SULT2B1: variants seen among roughly 807,000 people sequenced by gnomAD.
SULT2B1 encodes the protein sulfotransferase family 2B member 1.
A neutral mutation model predicts 33.2 loss-of-function variants in SULT2B1; 16 were observed. The observed-to-expected ratio is 0.48, with a 90% CI of 0.33 to 0.73. The LOEUF is 0.73. Among genes scored for constraint, SULT2B1 ranks in the 30% least tolerant of loss-of-function variants. SULT2B1 has a pLI of 0.02. For missense variants in SULT2B1, 500 were observed against 506.0 expected, an observed-to-expected ratio of 0.99 and a Z score of 0.11; for synonymous variants, 186 against 200.5, an observed-to-expected ratio of 0.93 and a Z score of 0.61.
intron 4 of SULT2B1, among the ~76,000 whole-genome samples, 197 bp downstream of exon 4, chr19:48,591,932 A>G (rs1020439724): frequency 7.9e-5 from 12 of 152,112 alleles, no homozygotes; most frequent in African/African-American, 2.9e-4. Flanking sequence ...GACACAGGAC[A>G]GGCAAAGGAC....
chr19:48,587,466 GA>G, intron 3 of SULT2B1, 29 bp downstream of exon 3: 1 of 1,612,670 alleles, frequency 6.2e-7, no homozygotes, highest in Admixed American at 1.7e-5. Context: ...TGTCAGTTGG[GA>G]GGGGCTGCAT....
chr19:48,564,493 A>G, intron 1 of SULT2B1, among the ~76,000 whole-genome samples: 1 of 138,576 alleles, frequency 7.2e-6, no homozygotes, highest in East Asian at 2.4e-4. Context: ...GCAAGGTTGC[A>G]GTGAGCCGAG....
rs575546000 is a variant in SULT2B1, at chr19:48,567,163, T to C, written c.72-8778T>C. Among the ~76,000 whole-genome samples the C allele has an allele frequency of 1.4e-4, 21 of 152,254 alleles. No homozygotes were observed. The South Asian group carries it at 1.7e-3, about 12-fold the overall frequency. On this transcript the variant is annotated intron_variant, in intron 1 of 6. Transcript: ENST00000201586. ...GTTTCTGGCCTCTCTTGGAACATCA[T>C]TGCCATGATCGCCCTGGGATATATT...
chr19:48,571,700 A>T (rs1471271726), intron 1 of SULT2B1, among the ~76,000 whole-genome samples: 1 of 20,964 alleles, frequency 4.8e-5, no homozygotes, highest in Admixed American at 2.8e-4. Flanking sequence ...GCAAGCGGAG[A>T]AGATGGTCAA....
At chr19:48,578,412 T>C (rs1006323254) in intron 2 of SULT2B1, among the ~76,000 whole-genome samples, 4 of 151,748 alleles carry the variant, frequency 2.6e-5, no homozygotes, top group Non-Finnish European at 4.4e-5. Flanking sequence ...TGAGACCTCA[T>C]CTCTACAAAA....
At chr19:48,579,155 A>G (rs1471621634) in intron 2 of SULT2B1, among the ~76,000 whole-genome samples, 1 of 151,930 alleles carries the variant, frequency 6.6e-6, no homozygotes, top group African/African-American at 2.4e-5. Flanking sequence ...ATTCATTTTT[A>G]TGGTCCAATA....
intron 1 of SULT2B1, among the ~76,000 whole-genome samples, chr19:48,567,272 C>A (rs1601091797): frequency 6.6e-6 from 1 of 151,862 alleles, no homozygotes; most frequent in African/African-American, 2.4e-5. Context: ...GCAAATAGAA[C>A]ACAGTATTTA....
chr19:48,586,011 G>A (rs1973557362), intron 2 of SULT2B1, among the ~76,000 whole-genome samples: 2 of 151,848 alleles, frequency 1.3e-5, no homozygotes, highest in South Asian at 2.1e-4. Flanking sequence ...GAGCCCAGGA[G>A]TTCAAGACCA....
chr19:48,570,493 G>T (rs529872267), intron 1 of SULT2B1, among the ~76,000 whole-genome samples: 1 of 151,642 alleles, frequency 6.6e-6, no homozygotes, highest in African/African-American at 2.4e-5. Context: ...CTTTTTCATC[G>T]CTGAGTAGTA....
At chr19:48,561,371 G>C (rs144788912) in intron 1 of SULT2B1, among the ~76,000 whole-genome samples, 268 of 152,050 alleles carry the variant, frequency 1.8e-3, no homozygotes, top group African/African-American at 6.1e-3. Flanking sequence ...AGAGGTTGCA[G>C]TGAGCCGAGA....
chr19:48,596,583 G>A, intron 5 of SULT2B1, 156 bp from the exon 6 acceptor site: 1 of 768,930 alleles, frequency 1.3e-6, no homozygotes, highest in East Asian at 2.7e-5. Context: ...AGGCGATATA[G>A]CCCAACCCCT....
At chr19:48,578,346 C>T (rs985583652) in intron 2 of SULT2B1, among the ~76,000 whole-genome samples, 1 of 152,126 alleles carries the variant, frequency 6.6e-6, no homozygotes, top group African/African-American at 2.4e-5. Flanking sequence ...TTTTGGGAGG[C>T]CGAGGCAGGA....
intron 2 of SULT2B1, among the ~76,000 whole-genome samples, chr19:48,584,258 G>A (rs771571811): frequency 1.3e-4 from 20 of 152,150 alleles, no homozygotes; most frequent in Admixed American, 2.0e-4. Flanking sequence ...TTAGAGTTTC[G>A]CTGCAGAGGT....
intron 1 of SULT2B1, among the ~76,000 whole-genome samples, chr19:48,575,139 C>T (rs1449134984): frequency 1.7e-5 from 2 of 119,254 alleles, no homozygotes; most frequent in African/African-American, 3.2e-5. Context: ...GACAGAGTCT[C>T]GCTCTGTCCC....
intron 2 of SULT2B1, among the ~76,000 whole-genome samples, chr19:48,576,368 T>C (rs533509484): frequency 2.0e-3 from 191 of 94,114 alleles, no homozygotes; most frequent in African/African-American, 3.2e-3. Flanking sequence ...TCTTTTTTTT[T>C]TTTTTTTTTG....
At chr19:48,567,662 G>C (rs998422922) in intron 1 of SULT2B1, among the ~76,000 whole-genome samples, 1 of 152,084 alleles carries the variant, frequency 6.6e-6, no homozygotes, top group African/African-American at 2.4e-5. Flanking sequence ...CTGCTAGTGA[G>C]GAAGGCAGAT....
chr19:48,576,359 C>CTTTTCTTTTTT lies in SULT2B1; in HGVS notation c.214+280_214+281insCTTTTTTTTTT. The stretch of plus-strand genomic sequence containing the variant: ...CCTTTCCCCTTTACCCTCTACTTCT[C>CTTTTCTTTTTT]TTTTTTTTTTTTTTTTTTGTAGAGA... On this transcript the variant is annotated intron_variant, in intron 2 of 6. Coordinates refer to ENST00000201586, the MANE Select transcript of SULT2B1 (RefSeq NM_177973.2). Among the ~76,000 whole-genome samples, 317 of 96,678 alleles carry CTTTTCTTTTTT rather than the reference C, an allele frequency of 3.3e-3. 31 individuals carry two copies. Among genetic ancestry groups the CTTTTCTTTTTT allele is most frequent in the East Asian group, 0.028 (95 of 3,416 alleles). 63.4% of individuals were successfully genotyped at this position (96,678 alleles called of 152,430 possible). A position where few individuals can be genotyped will look rare whatever the true frequency, so the allele number is the denominator to read the frequency against.
intron 6 of SULT2B1, 28 bp downstream of exon 6, chr19:48,596,947 A>G: frequency 3.2e-6 from 5 of 1,546,472 alleles, no homozygotes; most frequent in Non-Finnish European, 4.3e-6. Context: ...TTCAGAGCCC[A>G]CTAGGCCACT....
chr19:48,599,129 C>T lies in SULT2B1; in HGVS notation c.827-6C>T, dbSNP rs370757359. On this transcript the variant is annotated splice_region_variant and splice_polypyrimidine_tract_variant and intron_variant, in intron 6 of 6. Coordinates refer to ENST00000201586, the MANE Select transcript of SULT2B1 (RefSeq NM_177973.2). This position sits in a 1 kb window ranked among gnomAD's most constrained non-coding sequence, Gnocchi z 4.1. ...TCCTCACCCCCTGGTGCCCCCTCTT[C>T]TCCAGGGGTCTGCGGCGACTGGAAG... 5.0e-5 allele frequency: 78 copies of T among 1,569,174 alleles called. No individual in the cohort carries two copies. The highest frequency in any genetic ancestry group is 6.4e-5 in the Non-Finnish European group (74 of 1,161,630).
Sources: gnomAD v4.1 joint callset for allele counts (sites outside exome capture counted in the v4.1 genomes callset) on GRCh38, gnomAD v4.1.1 for gene constraint, Gnocchi (gnomAD v3.1) non-coding constraint, MANE v1.5 for transcripts, NCBI Gene and HGNC (gene_info 2026-07-23, HGNC 2026-07-21) for gene names.